The following UNC5A variants were observed in gnomAD, a reference collection of about 807,000 sequenced individuals.
The protein encoded by UNC5A is netrin receptor UNC5A.
Under a neutral mutation model 87.4 loss-of-function variants are expected in UNC5A, and 20 were observed. The ratio of observed to expected loss-of-function variants is 0.23; its 90% CI spans 0.16 to 0.33. The LOEUF (loss-of-function observed/expected upper bound fraction) is 0.33, where lower values mean the gene tolerates loss of function less well. Ranked by LOEUF, UNC5A falls within the 10% of genes least tolerant of loss-of-function variation. The pLI is 1.00. For synonymous variants in UNC5A, 438 were observed against 482.3 expected (o/e 0.91, Z 1.20); for missense variants, 844 against 1,133.4 (o/e 0.74, Z 3.67).
In UNC5A at chr5:176,852,200, C is replaced by T. The variant is rs555122297; in HGVS notation, c.71-10424C>T. Among the ~76,000 whole-genome samples the T allele has an allele frequency of 9.9e-5, 15 of 152,228 alleles. 1 individual carries two copies. The South Asian group carries it at 2.9e-3, about 30-fold the overall frequency. On this transcript the variant is annotated intron_variant, in intron 1 of 14. Transcript: ENST00000329542. The stretch of plus-strand genomic sequence containing the variant: ...CCTACTGCTTGTGAGGCAGCTGGGC[C>T]GGCCACCTGCCTCTGCCAGGTGAGA...
intron 1 of UNC5A, among the ~76,000 whole-genome samples, chr5:176,830,758 G>A (rs1191086839): frequency 3.4e-5 from 5 of 146,546 alleles, no homozygotes; most frequent in Non-Finnish European, 6.0e-5. Flanking sequence ...GTGCGCTGGC[G>A]TGTGTGTAGG....
chr5:176,828,274 G>C (rs991419515), intron 1 of UNC5A, among the ~76,000 whole-genome samples: 2 of 152,218 alleles, frequency 1.3e-5, no homozygotes, highest in African/African-American at 2.4e-5. Flanking sequence ...TCAATTTTTA[G>C]TGATTAAGAG....
chr5:176,826,097 C>T (rs1021651987), intron 1 of UNC5A, among the ~76,000 whole-genome samples: 2 of 152,218 alleles, frequency 1.3e-5, no homozygotes, highest in African/African-American at 4.8e-5. Flanking sequence ...GGTGTGATGA[C>T]TTGTGTCTGT....
At position 176,843,844 on chromosome 5, in the gene UNC5A, C is replaced by T. The variant is rs147692923; in HGVS notation, c.71-18780C>T. The stretch of plus-strand genomic sequence containing the variant: ...TGGGCCGTCTTGCCCAGCCCTGGCC[C>T]CTGGCCCCTGGCCCCTGGCGTTCTG... On this transcript the variant is annotated intron_variant, in intron 1 of 14. Transcript: ENST00000329542. Among the ~76,000 whole-genome samples, 1,472 of 152,340 alleles carry T rather than the reference C, an allele frequency of 9.7e-3. 20 individuals carry two copies. Among genetic ancestry groups the T allele is most frequent in the African/African-American group, 0.034 (1,395 of 41,568 alleles).
At chr5:176,860,829 CG>C (rs988250331) in intron 1 of UNC5A, among the ~76,000 whole-genome samples, 129 of 152,212 alleles carry the variant, frequency 8.5e-4, no homozygotes, top group African/African-American at 1.8e-3. Context: ...GCGGAACATG[CG>C]GGGGGCAGTT....
In UNC5A at chr5:176,877,545, G is replaced by T; in HGVS notation, c.1477G>T (p.Ala493Ser). ...ATTTCCCCACTTGAGGTTGCCCCTAGCTGGCTGTCAGACCCTGCTGAGTCC... is the reference window on the plus strand; with the variant it reads ...ATTTCCCCACTTGAGGTTGCCCCTATCTGGCTGTCAGACCCTGCTGAGTCC... The part of the protein sequence containing the change: ...HKPEDVRLPL[A>S]GCQTLLSPIV... The change falls in exon 10 of 15, where the codon GCT (alanine) becomes TCT (serine). Residue 493 changes from alanine to serine, a missense_variant. Physicochemically the swap from Ala to Ser is moderately conservative, Grantham distance 99. This residue lies in a region of UNC5A where 353 missense variants were observed against 387.5 expected (regional missense o/e 0.91). Coordinates refer to ENST00000329542, the MANE Select transcript of UNC5A (RefSeq NM_133369.3). 1 of 1,595,142 alleles carries T rather than the reference G, an allele frequency of 6.3e-7. No homozygotes were observed. The highest frequency in any genetic ancestry group is 8.6e-7 in the Non-Finnish European group (1 of 1,168,760).
chr5:176,851,812 A>C (rs187963574), intron 1 of UNC5A, among the ~76,000 whole-genome samples: 186 of 152,326 alleles, frequency 1.2e-3, no homozygotes, highest in African/African-American at 4.4e-3. Context: ...GAACAGGTGC[A>C]CTGTCCTTAC....
chr5:176,836,880 G>A (rs1757158440), intron 1 of UNC5A, among the ~76,000 whole-genome samples: 1 of 152,248 alleles, frequency 6.6e-6, no homozygotes, highest in Non-Finnish European at 1.5e-5. Flanking sequence ...ATAAGTTCAT[G>A]GATGGCAGAG....
chr5:176,858,953 G>A (rs938662191), intron 1 of UNC5A, among the ~76,000 whole-genome samples: 9 of 152,208 alleles, frequency 5.9e-5, no homozygotes, highest in Non-Finnish European at 8.8e-5. Flanking sequence ...CTGATGGCAA[G>A]GATAGAAGTC....
intron 2 of UNC5A, chr5:176,864,954 G>A (rs894249822): frequency 2.5e-6 from 1 of 401,624 alleles, no homozygotes; most frequent in Non-Finnish European, 5.0e-6. Context: ...ACCTTGTCTT[G>A]CTGGGAGGGT....
chr5:176,845,705 A>T (rs765821457), intron 1 of UNC5A, among the ~76,000 whole-genome samples: 1 of 152,236 alleles, frequency 6.6e-6, no homozygotes, highest in Non-Finnish European at 1.5e-5. Context: ...GCAGATGGAC[A>T]ACAAAGAGAC....
At chr5:176,843,835 GCCCTGGC>G (rs915532731) in intron 1 of UNC5A, among the ~76,000 whole-genome samples, 7 of 152,220 alleles carry the variant, frequency 4.6e-5, no homozygotes, top group African/African-American at 7.2e-5. Context: ...GTCTTGCCCA[GCCCTGGC>G]CCCTGGCCCC....
intron 1 of UNC5A, among the ~76,000 whole-genome samples, chr5:176,821,472 G>A (rs1037337826): frequency 6.6e-6 from 1 of 152,164 alleles, no homozygotes; most frequent in African/African-American, 2.4e-5. Flanking sequence ...TCTTTGGTGT[G>A]AATTCCTGAA....
At chr5:176,879,688 C>T in intron 14 of UNC5A, 33 bp from the exon 15 acceptor site, 1 of 1,607,376 alleles carries the variant, frequency 6.2e-7, no homozygotes, top group Non-Finnish European at 8.5e-7. Context: ...TGGGGCCAGG[C>T]CAGGCTGCTG....
chr5:176,862,958 C>A lies in UNC5A; in HGVS notation c.292+113C>A. 3 of 1,232,010 alleles carry A rather than the reference C, an allele frequency of 2.4e-6. No homozygotes were observed. The South Asian group carries it at 3.9e-5, about 16-fold the overall frequency. 76.3% of individuals were successfully genotyped at this position (1,232,010 alleles called of 1,614,324 possible). On this transcript the variant is annotated intron_variant, in intron 2 of 14. Coordinates refer to ENST00000329542, the MANE Select transcript of UNC5A (RefSeq NM_133369.3). ...CCCCACCTGGGACCCCGGAGGCCTT[C>A]CCCAGAGGCCACAACCCTCAGCAGT...
Position 176,865,554 on chromosome 5 carries a change from C to G in UNC5A, c.293-2576C>G, listed in dbSNP as rs1052354328. 2 of 456,218 alleles carry G rather than the reference C, an allele frequency of 4.4e-6. No homozygotes were observed. The highest frequency in any genetic ancestry group is 4.0e-5 in the African/African-American group (2 of 50,094). The allele number at this position is 456,218 out of a possible 1,614,324, so 28.3% of individuals were successfully genotyped here. A position where few individuals can be genotyped will look rare whatever the true frequency, so the allele number is the denominator to read the frequency against. Reference sequence around the variant, plus strand: ...AGCATCCGACTCCAGCCTCCCATGGCCGGAACATCTGAACGTTCATTGATC... The same window carrying G: ...AGCATCCGACTCCAGCCTCCCATGGGCGGAACATCTGAACGTTCATTGATC... On this transcript the variant is annotated intron_variant, in intron 2 of 14. Coordinates refer to ENST00000329542, the MANE Select transcript of UNC5A (RefSeq NM_133369.3). This position sits in a 1 kb window ranked among gnomAD's most constrained non-coding sequence, Gnocchi z 5.3.
Position 176,868,989 on chromosome 5 carries a change from C to A in UNC5A, c.721+25C>A, listed in dbSNP as rs561599609. On this transcript the variant is annotated intron_variant, in intron 5 of 14. Coordinates refer to ENST00000329542, the MANE Select transcript of UNC5A (RefSeq NM_133369.3). ...GGTGGGCCCCGGGACTCCCTGGTCA[C>A]AGGGAGAGGCACTGCGGTGCCCCTG... 10 of 1,575,428 alleles carry A rather than the reference C, an allele frequency of 6.3e-6. No homozygotes were observed. In the South Asian group the frequency reaches 1.2e-4, roughly 18 times the overall value.
At chr5:176,813,306 G>A (rs959453363) in intron 1 of UNC5A, among the ~76,000 whole-genome samples, 4 of 152,216 alleles carry the variant, frequency 2.6e-5, no homozygotes, top group African/African-American at 9.6e-5. Context: ...GCTGAGGGGT[G>A]CCATGCTCTG....
intron 1 of UNC5A, among the ~76,000 whole-genome samples, chr5:176,853,332 G>C (rs1757589799): frequency 6.6e-6 from 1 of 152,220 alleles, no homozygotes; most frequent in South Asian, 2.1e-4. Context: ...GGACAGGCCT[G>C]GTCTGCAGGA....
Sources: gnomAD v4.1 joint callset for allele counts (sites outside exome capture counted in the v4.1 genomes callset) on GRCh38, gnomAD v4.1.1 for gene constraint, gnomAD v4.1.1 regional missense constraint, Gnocchi (gnomAD v3.1) non-coding constraint, MANE v1.5 for transcripts, NCBI Gene and HGNC (gene_info 2026-07-23, HGNC 2026-07-21) for gene names.